RPA3: variants seen among roughly 807,000 people sequenced by gnomAD.
The protein encoded by RPA3 is replication protein A 14 kDa subunit.
A neutral mutation model predicts 13.7 loss-of-function variants in RPA3; 24 were observed. That is an observed-to-expected ratio of 1.75 (90% CI 1.27 to 2.46). The LOEUF is 2.46. Ranked by LOEUF, RPA3 falls within the 30% of genes most tolerant of loss-of-function variation. The pLI is 0.00. For missense variants in RPA3, 183 were observed against 151.0 expected (o/e 1.21, Z -1.11); for synonymous variants, 59 against 51.2 (o/e 1.15, Z -0.65).
At chr7:7,714,803 TGTAGA>T (rs1345210174) in intron 2 of RPA3, among the ~76,000 whole-genome samples, 2 of 151,846 alleles carry the variant, frequency 1.3e-5, no homozygotes, top group African/African-American at 2.4e-5. Flanking sequence ...TGGGCACTTG[TGTAGA>T]GTAATTTTTT....
At chr7:7,683,218 C>G (rs577058837) in intron 4 of RPA3, among the ~76,000 whole-genome samples, 1 of 152,284 alleles carries the variant, frequency 6.6e-6, no homozygotes, top group African/African-American at 2.4e-5. Flanking sequence ...AGGGATCTAT[C>G]TCTCTGTGAT....
chr7:7,662,108 GT>G (rs1369499732), intron 4 of RPA3, among the ~76,000 whole-genome samples: 1 of 152,164 alleles, frequency 6.6e-6, no homozygotes, highest in Non-Finnish European at 1.5e-5. Context: ...TGTTTACACT[GT>G]GAGGGGAAAA....
In RPA3 at chr7:7,699,059, G is replaced by A. The variant is rs536518472; in HGVS notation, c.-1027-11731C>T. Among the ~76,000 whole-genome samples, 118 of 138,130 alleles carry A rather than the reference G, an allele frequency of 8.5e-4. 1 individual carries two copies. In the East Asian group the frequency reaches 0.02, roughly 24 times the overall value. 90.6% of individuals were successfully genotyped at this position (138,130 alleles called of 152,430 possible). On this transcript the variant is annotated intron_variant, in intron 2 of 7. Coordinates refer to ENST00000223129, the MANE Select transcript of RPA3 (RefSeq NM_002947.5). ...TTGTGTGTGTGTGTGTGGGGGGGGG[G>A]TAGATACCAGGTTTGCTATGTTGCC...
intron 4 of RPA3, among the ~76,000 whole-genome samples, chr7:7,681,331 T>C (rs920982526): frequency 6.6e-6 from 1 of 152,176 alleles, no homozygotes; most frequent in African/African-American, 2.4e-5. Flanking sequence ...GCAGAGTTGA[T>C]GGAATCAACA....
chr7:7,682,433 A>T (rs1466971052), intron 4 of RPA3, among the ~76,000 whole-genome samples: 1 of 152,156 alleles, frequency 6.6e-6, no homozygotes, highest in African/African-American at 2.4e-5. Flanking sequence ...TTAAACTATC[A>T]TATTTTTATA....
At chr7:7,648,439 G>A (rs1785147415) in intron 4 of RPA3, among the ~76,000 whole-genome samples, 1 of 152,086 alleles carries the variant, frequency 6.6e-6, no homozygotes, top group African/African-American at 2.4e-5. Context: ...TATAGCTGGC[G>A]ATTCATTTTT....
Position 7,636,652 on chromosome 7 carries a change from G to A in RPA3, c.*348C>T, listed in dbSNP as rs1784872212. On this transcript the variant is annotated 3_prime_UTR_variant, in exon 8 of 8. Transcript: ENST00000223129. ...GGTAGGTCTAAATCTTGACCTTATG[G>A]CTATGAAATTTCAAGTTTGTGCTTG... is the stretch of plus-strand genomic sequence containing the variant. 3 of 196,194 alleles carry A rather than the reference G, an allele frequency of 1.5e-5. No homozygotes were observed. The South Asian group carries it at 2.9e-4, about 19-fold the overall frequency. The allele number at this position is 196,194 out of a possible 1,614,324, so 12.2% of individuals were successfully genotyped here. A position where few individuals can be genotyped will look rare whatever the true frequency, so the allele number is the denominator to read the frequency against.
intron 4 of RPA3, among the ~76,000 whole-genome samples, chr7:7,654,185 A>G (rs1351362852): frequency 6.6e-6 from 1 of 152,188 alleles, no homozygotes; most frequent in African/African-American, 2.4e-5. Context: ...TCAACAACAA[A>G]ACCAAAACCT....
chr7:7,697,633 T>A (rs1780353129), intron 2 of RPA3, among the ~76,000 whole-genome samples: 1 of 152,202 alleles, frequency 6.6e-6, no homozygotes, highest in Non-Finnish European at 1.5e-5. Flanking sequence ...TTTTATTTTT[T>A]TAAGCTGATA....
At chr7:7,683,265 A>G (rs1046070687) in intron 4 of RPA3, among the ~76,000 whole-genome samples, 7 of 152,176 alleles carry the variant, frequency 4.6e-5, no homozygotes, top group African/African-American at 1.7e-4. Flanking sequence ...ACTTAGAAAA[A>G]AATACTGGTG....
chr7:7,683,865 C>T (rs754778435), intron 4 of RPA3, among the ~76,000 whole-genome samples: 5 of 152,158 alleles, frequency 3.3e-5, no homozygotes, highest in South Asian at 2.1e-4. Flanking sequence ...TCAGGTGATC[C>T]GCCTGCCTTG....
chr7:7,677,604 T>C (rs981876362), intron 4 of RPA3, among the ~76,000 whole-genome samples: 1 of 151,968 alleles, frequency 6.6e-6, no homozygotes, highest in African/African-American at 2.4e-5. Flanking sequence ...TTTTTATGGC[T>C]AAATAGTATT....
At chr7:7,675,637 A>G (rs1313796422) in intron 4 of RPA3, among the ~76,000 whole-genome samples, 1 of 152,188 alleles carries the variant, frequency 6.6e-6, no homozygotes, top group Non-Finnish European at 1.5e-5. Flanking sequence ...TAATTACTCT[A>G]ATATGCTCTC....
chr7:7,662,038 C>T (rs995588091), intron 4 of RPA3, among the ~76,000 whole-genome samples: 1 of 152,188 alleles, frequency 6.6e-6, no homozygotes, highest in Non-Finnish European at 1.5e-5. Flanking sequence ...GGCAGTCTGG[C>T]TACAGCGGCT....
chr7:7,716,915 A>C (rs1398236048), intron 1 of RPA3, among the ~76,000 whole-genome samples: 3 of 152,020 alleles, frequency 2.0e-5, no homozygotes, highest in Non-Finnish European at 4.4e-5. Flanking sequence ...GGTCTGATCA[A>C]TCTCTCGTGC....
intron 1 of RPA3, among the ~76,000 whole-genome samples, chr7:7,717,017 G>A (rs1373302813): frequency 6.6e-6 from 1 of 151,806 alleles, no homozygotes; most frequent in Non-Finnish European, 1.5e-5. Context: ...CTGCACGAGG[G>A]AGCTTTCCTC....
At chr7:7,689,321 C>T (rs1780117603) in intron 2 of RPA3, 1 of 152,108 alleles carries the variant, frequency 6.6e-6, no homozygotes, top group Non-Finnish European at 1.5e-5. Context: ...TCTATCATTG[C>T]CAACTTTGCT....
At chr7:7,659,194 T>C (rs1785415110) in intron 4 of RPA3, among the ~76,000 whole-genome samples, 1 of 152,180 alleles carries the variant, frequency 6.6e-6, no homozygotes, top group African/African-American at 2.4e-5. Context: ...TTCTTCTCTC[T>C]TTTCTTCTTT....
Position 7,660,428 on chromosome 7 carries a change from A to C in RPA3, c.-757-19253T>G, listed in dbSNP as rs964478147. Among the ~76,000 whole-genome samples the C allele has an allele frequency of 2.6e-5, 4 of 152,192 alleles. No homozygotes were observed. The East Asian group carries it at 5.8e-4, about 22-fold the overall frequency. On this transcript the variant is annotated intron_variant, in intron 4 of 7. Transcript: ENST00000223129. ...TCTTTACAATTTGGTATGTTTTTGC[A>C]GTGGCTGGTACCTGTTGTTCCTTTC...
Sources: gnomAD v4.1 joint callset for allele counts (sites outside exome capture counted in the v4.1 genomes callset) on GRCh38, gnomAD v4.1.1 for gene constraint, MANE v1.5 for transcripts, NCBI Gene and HGNC (gene_info 2026-07-23, HGNC 2026-07-21) for gene names.